The following EXOC2 variants were observed in gnomAD, a reference collection of about 807,000 sequenced individuals.
The protein encoded by EXOC2 is exocyst complex component 2.
EXOC2 carries 70 observed loss-of-function variants against 131.8 expected under a neutral mutation model. The ratio of observed to expected loss-of-function variants is 0.53; its 90% CI spans 0.44 to 0.65. The LOEUF is 0.65. Among genes scored for constraint, EXOC2 ranks in the 30% least tolerant of loss-of-function variants. The pLI, the probability that EXOC2 is intolerant of heterozygous loss-of-function variation, is 0.00. For synonymous variants in EXOC2, 411 were observed against 398.4 expected (o/e 1.03, Z -0.38); for missense variants, 923 against 1,108.6 (o/e 0.83, Z 2.38).
intron 11 of EXOC2, among the ~76,000 whole-genome samples, chr6:591,335 G>T (rs1213832379): frequency 6.6e-6 from 1 of 152,166 alleles, no homozygotes; most frequent in Non-Finnish European, 1.5e-5. Flanking sequence ...ACCTGTCACA[G>T]CAGCCAAGAA....
intron 1 of EXOC2, among the ~76,000 whole-genome samples, 197 bp downstream of exon 1, chr6:692,822 C>G (rs989811388): frequency 1.1e-3 from 33 of 31,242 alleles, no homozygotes; most frequent in African/African-American, 1.9e-3. Flanking sequence ...CAGCAGGCGG[C>G]TGACGGCGGG....
chr6:644,539 G>A (rs893092266), intron 1 of EXOC2, among the ~76,000 whole-genome samples: 1 of 152,044 alleles, frequency 6.6e-6, no homozygotes, highest in Non-Finnish European at 1.5e-5. Context: ...AAAGCAGAAA[G>A]ATGGCAAAGG....
intron 23 of EXOC2, among the ~76,000 whole-genome samples, chr6:504,292 G>A (rs1388395841): frequency 6.6e-6 from 1 of 152,234 alleles, no homozygotes; most frequent in African/African-American, 2.4e-5. Flanking sequence ...AGAAGGTGAG[G>A]CAGAGGCCGT....
intron 1 of EXOC2, among the ~76,000 whole-genome samples, chr6:663,693 A>G (rs997866547): frequency 6.6e-6 from 1 of 152,216 alleles, no homozygotes; most frequent in Non-Finnish European, 1.5e-5. Flanking sequence ...AAATCACATG[A>G]TCATCTCAAT....
chr6:609,288 T>C (rs1760591906), intron 7 of EXOC2, among the ~76,000 whole-genome samples: 1 of 152,120 alleles, frequency 6.6e-6, no homozygotes, highest in African/African-American at 2.4e-5. Flanking sequence ...TGGTGTGAGG[T>C]TTTTTCATTC....
chr6:532,067 T>C (rs1207400998), intron 23 of EXOC2, among the ~76,000 whole-genome samples: 1 of 152,240 alleles, frequency 6.6e-6, no homozygotes, highest in Non-Finnish European at 1.5e-5. Context: ...CTTTACAGCA[T>C]CACTAATCAG....
intron 17 of EXOC2, among the ~76,000 whole-genome samples, chr6:559,935 C>G (rs1165911338): frequency 5.3e-5 from 8 of 152,202 alleles, no homozygotes; most frequent in African/African-American, 1.7e-4. Context: ...TCCATTTGCA[C>G]ATAACTGACT....
At position 633,099 on chromosome 6, in the gene EXOC2, T is replaced by A; in HGVS notation, c.137A>T (p.His46Leu). The A allele has an allele frequency of 6.2e-7, 1 of 1,613,386 alleles. No individual in the cohort carries two copies. The highest frequency in any genetic ancestry group is 8.5e-7 in the Non-Finnish European group (1 of 1,179,986). The change falls in exon 3 of 28, where the codon CAT (histidine) becomes CTT (leucine). Residue 46 changes from histidine (H) to leucine (L), a missense_variant. By Grantham distance (99) the His-to-Leu change is moderately conservative. Coordinates refer to ENST00000230449, the MANE Select transcript of EXOC2 (RefSeq NM_018303.6). ...CCATTCTGCCGTCAGGAGGCAATTA[T>A]GTCCACAAATGGTCAAGCCTGAAAA... Reference protein sequence around the residue: ...TDLIGLTICGHNCLLTAEWMS... With the variant: ...TDLIGLTICGLNCLLTAEWMS...
intron 27 of EXOC2, among the ~76,000 whole-genome samples, chr6:488,376 T>G (rs943453769): frequency 6.6e-6 from 1 of 152,254 alleles, no homozygotes; most frequent in African/African-American, 2.4e-5. Context: ...CCTGGGCATT[T>G]ATGAAATTTA....
chr6:503,602 T>C (rs1452134634), intron 23 of EXOC2, among the ~76,000 whole-genome samples: 1 of 152,212 alleles, frequency 6.6e-6, no homozygotes, highest in East Asian at 1.9e-4. Context: ...CATAAAAAAA[T>C]TTATACTTCA....
intron 23 of EXOC2, among the ~76,000 whole-genome samples, chr6:513,342 G>C (rs1048716843): frequency 2.0e-5 from 3 of 152,322 alleles, no homozygotes. Flanking sequence ...ATGATCTGCC[G>C]AACCTGTTTT....
At chr6:657,026 C>T (rs1290649845) in intron 1 of EXOC2, 21 of 1,202,218 alleles carry the variant, frequency 1.7e-5, no homozygotes, top group Non-Finnish European at 2.3e-5. Flanking sequence ...GGGTCCGTGG[C>T]GCTGCCCTCC....
At chr6:563,651 C>T (rs1490687842) in intron 16 of EXOC2, among the ~76,000 whole-genome samples, 1 of 152,102 alleles carries the variant, frequency 6.6e-6, no homozygotes, top group Non-Finnish European at 1.5e-5. Context: ...AGAACCAACA[C>T]TAACAGAGTT....
chr6:534,875 T>C (rs1766345975), intron 22 of EXOC2, among the ~76,000 whole-genome samples: 1 of 152,272 alleles, frequency 6.6e-6, no homozygotes, highest in Admixed American at 6.5e-5. Flanking sequence ...TCCCTGGACA[T>C]GTGAAATACA....
chr6:678,406 A>G (rs1764250355), intron 1 of EXOC2, among the ~76,000 whole-genome samples: 1 of 152,214 alleles, frequency 6.6e-6, no homozygotes, highest in South Asian at 2.1e-4. Flanking sequence ...AGGCCAAAAT[A>G]AAAGTAACCT....
intron 11 of EXOC2, among the ~76,000 whole-genome samples, chr6:579,017 C>A (rs1052192722): frequency 3.9e-5 from 6 of 151,966 alleles, no homozygotes; most frequent in African/African-American, 1.2e-4. Flanking sequence ...ATAAAAACTT[C>A]TAATTTATAT....
chr6:553,655 A>C (rs1374442452), intron 21 of EXOC2, among the ~76,000 whole-genome samples, 199 bp downstream of exon 21: 1 of 152,070 alleles, frequency 6.6e-6, no homozygotes, highest in Non-Finnish European at 1.5e-5. Flanking sequence ...TGACACTGCA[A>C]CTCCAGCTAA....
intron 13 of EXOC2, among the ~76,000 whole-genome samples, chr6:565,660 TTC>T (rs1383664592): frequency 2.6e-5 from 4 of 152,176 alleles, no homozygotes; most frequent in Non-Finnish European, 4.4e-5. Flanking sequence ...TAAAATAAAA[TTC>T]TGACACTTCA....
At chr6:495,370 C>A (rs545546278) in intron 25 of EXOC2, among the ~76,000 whole-genome samples, 1 of 151,322 alleles carries the variant, frequency 6.6e-6, no homozygotes, top group African/African-American at 2.4e-5. Context: ...GTGATCCGCC[C>A]GCCTCGGCCT....
Sources: allele counts gnomAD v4.1 joint callset (sites outside exome capture counted in the v4.1 genomes callset), GRCh38; gene constraint gnomAD v4.1.1; transcripts MANE v1.5; gene names NCBI Gene and HGNC (gene_info 2026-07-23, HGNC 2026-07-21).